TTC3: variants seen among roughly 807,000 people sequenced by gnomAD.
TTC3 encodes the protein E3 ubiquitin-protein ligase TTC3.
A neutral mutation model predicts 249.6 loss-of-function variants in TTC3; 180 were observed. The observed-to-expected ratio is 0.72, with a 90% CI of 0.64 to 0.82. TTC3 has a LOEUF of 0.82. Among genes scored for constraint, TTC3 ranks in the 40% least tolerant of loss-of-function variants. TTC3 has a pLI of 0.00. For synonymous variants in TTC3, 717 were observed against 805.0 expected (o/e 0.89, Z 1.85); for missense variants, 2,061 against 2,398.4 (o/e 0.86, Z 2.94).
intron 4 of TTC3, 72 bp from the exon 5 acceptor site, chr21:37,088,727 A>G (rs1422110842): frequency 4.6e-5 from 63 of 1,365,412 alleles, no homozygotes; most frequent in Non-Finnish European, 5.6e-5. Context: ...TGAGATATAT[A>G]GCTAAGCATA....
chr21:37,124,305 G>A (rs142557358), intron 13 of TTC3, among the ~76,000 whole-genome samples: 3 of 150,708 alleles, frequency 2.0e-5, no homozygotes, highest in Non-Finnish European at 3.0e-5. Flanking sequence ...TAGTAGAGAC[G>A]GGGGTCTCAC....
chr21:37,138,087 A>G (rs1313929361), intron 18 of TTC3, among the ~76,000 whole-genome samples: 1 of 152,256 alleles, frequency 6.6e-6, no homozygotes. Flanking sequence ...TCAGATGATC[A>G]TTAGCATTTG....
exon 33 of TTC3, chr21:37,165,731 A>G: frequency 6.2e-7 from 1 of 1,613,630 alleles, no homozygotes; most frequent in Non-Finnish European, 8.5e-7. Context: ...TGCACTGAAG[A>G]AGGTTGCATC....
chr21:37,139,630 A>C (rs922565603), intron 19 of TTC3, among the ~76,000 whole-genome samples: 1 of 152,176 alleles, frequency 6.6e-6, no homozygotes, highest in Non-Finnish European at 1.5e-5. Context: ...TCACAGATTA[A>C]TAATGTCTCC....
At chr21:37,090,134 A>G (rs1172800945) in intron 5 of TTC3, 99 bp from the exon 6 acceptor site, 2 of 802,286 alleles carry the variant, frequency 2.5e-6, no homozygotes, top group Non-Finnish European at 4.1e-6. Context: ...TACTGAGTAC[A>G]TATAGTAGTG....
In TTC3 at chr21:37,140,192, T is replaced by TGCTA. The variant is rs1398216739; in HGVS notation, c.1660-369_1660-368insGCTA. Among the ~76,000 whole-genome samples, 661 of 152,336 alleles carry TGCTA rather than the reference T, an allele frequency of 4.3e-3. 7 individuals are homozygous for TGCTA. Among genetic ancestry groups the TGCTA allele is most frequent in the African/African-American group, 0.015 (631 of 41,580 alleles). ...TTCCTTCCAAGGGATTAGCACTTAA[T>TGCTA]AGGATCTATGTTATGGTGTGTTTAC... On this transcript the variant is annotated intron_variant, in intron 19 of 45. Coordinates refer to ENST00000355666, the Ensembl canonical transcript of TTC3.
intron 35 of TTC3, among the ~76,000 whole-genome samples, chr21:37,180,059 C>T (rs963211669): frequency 6.6e-6 from 1 of 152,204 alleles, no homozygotes; most frequent in African/African-American, 2.4e-5. Context: ...TGAATGTTCT[C>T]TTAAGTGTCA....
intron 35 of TTC3, among the ~76,000 whole-genome samples, chr21:37,174,730 T>A (rs781708009): frequency 4.6e-5 from 7 of 152,122 alleles, no homozygotes; most frequent in Admixed American, 2.0e-4. Context: ...AGCACCTCCA[T>A]GTAGTAGCTT....
intron 7 of TTC3, among the ~76,000 whole-genome samples, chr21:37,091,834 G>C (rs2073319355): frequency 6.6e-6 from 1 of 152,142 alleles, no homozygotes; most frequent in Non-Finnish European, 1.5e-5. Context: ...GCCTGCCTTG[G>C]CCTCCCAAAG....
intron 31 of TTC3, among the ~76,000 whole-genome samples, chr21:37,163,423 T>C (rs1378256014): frequency 6.6e-6 from 1 of 152,210 alleles, no homozygotes; most frequent in Non-Finnish European, 1.5e-5. Context: ...TGATCTCAGC[T>C]CACTGCAACC....
chr21:37,154,255 T>A (rs553757905), intron 27 of TTC3, among the ~76,000 whole-genome samples: 1 of 152,328 alleles, frequency 6.6e-6, no homozygotes, highest in African/African-American at 2.4e-5. Context: ...GAGTGAGGCC[T>A]GCTAAGCCTC....
exon 28 of TTC3, chr21:37,156,684 C>T (rs376428095): frequency 3.8e-5 from 61 of 1,613,004 alleles, no homozygotes; most frequent in Admixed American, 5.0e-5. Context: ...TTTCTTTTCT[C>T]GTTATGGAGC....
At chr21:37,196,986 A>G (rs534472072) in intron 42 of TTC3, among the ~76,000 whole-genome samples, 1 of 152,352 alleles carries the variant, frequency 6.6e-6, no homozygotes, top group East Asian at 1.9e-4. Context: ...CGAGGGGGAC[A>G]GAGTTGCCTC....
intron 17 of TTC3, 143 bp downstream of exon 17, chr21:37,132,909 C>A: frequency 1.8e-6 from 1 of 565,360 alleles, no homozygotes; most frequent in Non-Finnish European, 2.9e-6. Flanking sequence ...GAGATGGGGT[C>A]TCACTGTGTT....
chr21:37,078,335 G>T (rs568849044), intron 1 of TTC3, among the ~76,000 whole-genome samples: 1 of 152,232 alleles, frequency 6.6e-6, no homozygotes, highest in African/African-American at 2.4e-5. Flanking sequence ...CTTGTTACAT[G>T]ACATGAAAAA....
intron 39 of TTC3, among the ~76,000 whole-genome samples, chr21:37,189,008 A>C (rs1023626493): frequency 6.6e-6 from 1 of 152,228 alleles, no homozygotes; most frequent in African/African-American, 2.4e-5. Flanking sequence ...AATTTGTGTT[A>C]ATATAAGCCA....
intron 1 of TTC3, among the ~76,000 whole-genome samples, chr21:37,075,584 T>C (rs1232143053): frequency 6.6e-6 from 1 of 152,222 alleles, no homozygotes; most frequent in African/African-American, 2.4e-5. Context: ...TATGAGACTT[T>C]ACATTTTTGC....
chr21:37,201,510 A>C (rs753314587), exon 46 of TTC3: 1 of 1,614,006 alleles, frequency 6.2e-7, no homozygotes, highest in East Asian at 2.2e-5. Context: ...CTGACAGAAG[A>C]GTCACCTTCT....
intron 11 of TTC3, among the ~76,000 whole-genome samples, chr21:37,117,709 C>T (rs2076253529): frequency 6.6e-6 from 1 of 151,646 alleles, no homozygotes; most frequent in African/African-American, 2.4e-5. Context: ...AAAACCATAT[C>T]TTTACAAAAA....
Sources: allele counts gnomAD v4.1 joint callset (sites outside exome capture counted in the v4.1 genomes callset), GRCh38; gene constraint gnomAD v4.1.1; transcripts MANE v1.5; gene names NCBI Gene and HGNC (gene_info 2026-07-23, HGNC 2026-07-21).